CHD6: variants seen among roughly 807,000 people sequenced by gnomAD.
CHD6 encodes the protein ATP-dependent chromatin remodeler CHD6.
A neutral mutation model predicts 276.9 loss-of-function variants in CHD6; 50 were observed. The observed-to-expected ratio is 0.18, with a 90% CI of 0.14 to 0.23. The LOEUF (loss-of-function observed/expected upper bound fraction) is 0.23. CHD6 is among the 10% of genes least tolerant of loss of function. The probability of loss-of-function intolerance (pLI) is 1.00; values close to 1 mark genes in which losing one functional copy is unlikely to be tolerated. For missense variants in CHD6, 2,564 were observed against 3,365.8 expected (o/e 0.76, Z 5.89); for synonymous variants, 1,173 against 1,229.3 (o/e 0.95, Z 0.96).
intron 36 of CHD6, among the ~76,000 whole-genome samples, chr20:41,407,630 G>A (rs774545678): frequency 6.6e-6 from 1 of 152,204 alleles, no homozygotes; most frequent in South Asian, 2.1e-4. Flanking sequence ...TTTATTTAAG[G>A]GGCAGCTGTA....
intron 29 of CHD6, 78 bp downstream of exon 29, chr20:41,425,100 T>A: frequency 8.8e-7 from 1 of 1,142,176 alleles, no homozygotes; most frequent in Non-Finnish European, 1.3e-6. Context: ...ATACTCGCCC[T>A]CCAAGCTACC....
intron 36 of CHD6, among the ~76,000 whole-genome samples, chr20:41,409,270 A>G (rs2046773296): frequency 6.6e-6 from 1 of 152,188 alleles, no homozygotes; most frequent in Non-Finnish European, 1.5e-5. Flanking sequence ...GACCACACAC[A>G]GCGGCCAGGC....
In CHD6 at chr20:41,404,974, A is replaced by G; in HGVS notation, c.7767T>C (p.Gly2589=). The change falls in exon 37 of 37, where the codon GGT becomes GGC. Residue 2589 remains glycine (G), a synonymous_variant. Coordinates refer to ENST00000373233, the MANE Select transcript of CHD6 (RefSeq NM_032221.5). ...CAGACTGATCAGAAAATGGACCTGG[A>G]CCAGGCTTGTCCTCAGCTAAAGTGT... ...KTDTLAEDKP[G]PGPFSDQSEP... is the part of the protein sequence containing the mutation. The G allele has an allele frequency of 6.2e-7, 1 of 1,614,220 alleles. No individual in the cohort carries two copies. Among genetic ancestry groups the G allele is most frequent in the Non-Finnish European group, 8.5e-7 (1 of 1,180,044 alleles).
At chr20:41,414,833 A>C in intron 34 of CHD6, 1 of 1,162,636 alleles carries the variant, frequency 8.6e-7, no homozygotes, top group Non-Finnish European at 1.1e-6. Flanking sequence ...CCAGTCTTGG[A>C]GAGCCTCACT....
chr20:41,511,330 C>T (rs927912817), intron 5 of CHD6, among the ~76,000 whole-genome samples: 3 of 152,226 alleles, frequency 2.0e-5, no homozygotes, highest in Non-Finnish European at 4.4e-5. Flanking sequence ...CCAGAATGTG[C>T]TCTTGGCAAT....
chr20:41,599,754 T>C (rs1021672411), intron 1 of CHD6, among the ~76,000 whole-genome samples: 6 of 152,246 alleles, frequency 3.9e-5, no homozygotes, highest in Non-Finnish European at 8.8e-5. Flanking sequence ...TAATCTGTAA[T>C]GAACACTTGT....
chr20:41,565,192 A>G (rs1568706129), intron 1 of CHD6, among the ~76,000 whole-genome samples: 1 of 151,218 alleles, frequency 6.6e-6, no homozygotes, highest in Non-Finnish European at 1.5e-5. Flanking sequence ...TGCCTCCTAG[A>G]TTCAAGCAAT....
intron 1 of CHD6, among the ~76,000 whole-genome samples, chr20:41,603,009 T>C (rs920162146): frequency 1.3e-5 from 2 of 152,114 alleles, no homozygotes; most frequent in Non-Finnish European, 2.9e-5. Flanking sequence ...GATTAGAGAA[T>C]AGAAAATCGA....
At chr20:41,513,070 A>G in intron 4 of CHD6, 75 bp from the exon 5 acceptor site, 1 of 1,465,264 alleles carries the variant, frequency 6.8e-7, no homozygotes. Context: ...ACCCTCATCT[A>G]CATTTACTAA....
intron 2 of CHD6, among the ~76,000 whole-genome samples, chr20:41,543,133 A>T (rs904517814): frequency 1.3e-5 from 2 of 152,048 alleles, no homozygotes; most frequent in Non-Finnish European, 2.9e-5. Flanking sequence ...TGTCAATAAT[A>T]ATAATAGTTA....
chr20:41,551,809 T>C (rs1327514685), intron 1 of CHD6, among the ~76,000 whole-genome samples: 2 of 152,224 alleles, frequency 1.3e-5, no homozygotes, highest in African/African-American at 4.8e-5. Flanking sequence ...AAGAGTTCAA[T>C]GCAGTTCTCT....
At chr20:41,501,931 T>C in intron 5 of CHD6, among the ~76,000 whole-genome samples, 1 of 152,190 alleles carries the variant, frequency 6.6e-6, no homozygotes, top group East Asian at 1.9e-4. Flanking sequence ...TTACTGGACA[T>C]TTGGATATCC....
chr20:41,499,752 G>A (rs2043788078), intron 5 of CHD6, among the ~76,000 whole-genome samples: 1 of 152,086 alleles, frequency 6.6e-6, no homozygotes, highest in Non-Finnish European at 1.5e-5. Flanking sequence ...TTGACTTTAG[G>A]CAAGTCAATT....
intron 2 of CHD6, among the ~76,000 whole-genome samples, chr20:41,550,966 A>G (rs990001186): frequency 6.6e-6 from 1 of 152,246 alleles, no homozygotes; most frequent in Non-Finnish European, 1.5e-5. Flanking sequence ...ATCCAGAAGG[A>G]TAAATATATA....
intron 5 of CHD6, 45 bp from the exon 6 acceptor site, chr20:41,499,402 A>G (rs1287009245): frequency 6.9e-7 from 1 of 1,446,208 alleles, no homozygotes; most frequent in Non-Finnish European, 9.4e-7. Flanking sequence ...GGAACCACAG[A>G]ATCCAAGAAA....
chr20:41,498,787 A>G (rs1003937069), intron 6 of CHD6, among the ~76,000 whole-genome samples: 4 of 101,140 alleles, frequency 4.0e-5, no homozygotes, highest in South Asian at 3.7e-4. Context: ...GTGTGTATGT[A>G]TGTATGTATG....
rs1481719479 is a variant in CHD6 at position 41,404,250 on chromosome 20, CA to C, written c.*342del. 1 of 1,085,732 alleles carries C rather than the reference CA, an allele frequency of 9.2e-7. No individual in the cohort carries two copies. The highest frequency in any genetic ancestry group is 1.6e-5 in the African/African-American group (1 of 61,818). 67.3% of individuals were successfully genotyped at this position (1,085,732 alleles called of 1,614,324 possible). A position where few individuals can be genotyped will look rare whatever the true frequency, so the allele number is the denominator to read the frequency against. On this transcript the variant is annotated 3_prime_UTR_variant, in exon 37 of 37. Coordinates refer to ENST00000373233, the MANE Select transcript of CHD6 (RefSeq NM_032221.5). ...CACCCTTCAATGGTAAAACCCTAGACAGCTTTCTTTTGCCATTTTTCCTCCT... is the reference window on the plus strand; with the variant it reads ...CACCCTTCAATGGTAAAACCCTAGACGCTTTCTTTTGCCATTTTTCCTCCT...
intron 11 of CHD6, among the ~76,000 whole-genome samples, chr20:41,490,581 C>T (rs564411431): frequency 2.6e-5 from 4 of 152,150 alleles, no homozygotes; most frequent in Admixed American, 6.5e-5. Flanking sequence ...GGGAGGCCAA[C>T]GCGGGCAGAT....
intron 36 of CHD6, among the ~76,000 whole-genome samples, chr20:41,411,465 C>T (rs962414560): frequency 6.6e-6 from 1 of 152,066 alleles, no homozygotes; most frequent in Non-Finnish European, 1.5e-5. Flanking sequence ...CAGGAGCTCC[C>T]TATTTGGGCA....
Sources: gnomAD v4.1 joint callset for allele counts (sites outside exome capture counted in the v4.1 genomes callset) on GRCh38, gnomAD v4.1.1 for gene constraint, MANE v1.5 for transcripts, NCBI Gene and HGNC (gene_info 2026-07-23, HGNC 2026-07-21) for gene names.